The following RSPH14 variants were observed in gnomAD, a reference collection of about 807,000 sequenced individuals.
RSPH14 encodes rhabdoid tumor deletion region gene 1.
In RSPH14, 20 loss-of-function variants were observed where a neutral mutation model predicts 26.7. The observed-to-expected ratio is 0.75, with a 90% CI of 0.53 to 1.09. The LOEUF is 1.09. RSPH14 is among the 50% of genes least tolerant of loss of function. RSPH14 has a pLI of 0.00. For synonymous variants in RSPH14, 177 were observed against 189.3 expected (o/e 0.93, Z 0.53); for missense variants, 449 against 457.2 (o/e 0.98, Z 0.16).
chr22:23,111,176 C>T (rs572578351), intron 4 of RSPH14, among the ~76,000 whole-genome samples: 4 of 152,310 alleles, frequency 2.6e-5, no homozygotes, highest in African/African-American at 9.6e-5. Flanking sequence ...TCACTGTCTG[C>T]CTGGTTTTTG....
At chr22:23,152,468 C>T in the RSPH14 span, 1 of 1,614,070 alleles carries the variant, frequency 6.2e-7, no homozygotes, top group African/African-American at 1.3e-5. Flanking sequence ...CAGGCTCAAA[C>T]TCTCCAAGGT....
At chr22:23,168,102 T>C in the RSPH14 span, among the ~76,000 whole-genome samples, 1 of 152,208 alleles carries the variant, frequency 6.6e-6, no homozygotes, top group Non-Finnish European at 1.5e-5. Flanking sequence ...TCAGCTTTCC[T>C]GGAGCCCCCT....
intron 4 of RSPH14, among the ~76,000 whole-genome samples, chr22:23,074,114 C>G (rs2068447681): frequency 6.6e-6 from 1 of 152,128 alleles, no homozygotes; most frequent in Admixed American, 6.5e-5. Flanking sequence ...CTGCAGGACT[C>G]AGTGGGCCCC....
chr22:23,120,900 GTTA>G (rs1381323360), intron 4 of RSPH14, among the ~76,000 whole-genome samples: 1 of 152,188 alleles, frequency 6.6e-6, no homozygotes, highest in Admixed American at 6.5e-5. Flanking sequence ...GGTCATATCT[GTTA>G]TTTAACTGAT....
At chr22:23,153,603 A>G in the RSPH14 span, 12 of 983,684 alleles carry the variant, frequency 1.2e-5, no homozygotes, top group Admixed American at 6.2e-5. Context: ...CAGCACCCAC[A>G]TCCTTCCTCA....
intron 3 of RSPH14, 24 bp downstream of exon 3, chr22:23,138,816 C>T (rs776585670): frequency 6.5e-7 from 1 of 1,544,944 alleles, no homozygotes; most frequent in South Asian, 1.2e-5. Context: ...AAGCGTCACA[C>T]TGGTTTCCAG....
chr22:23,110,363 G>A (rs2069610496), intron 4 of RSPH14, among the ~76,000 whole-genome samples: 3 of 152,298 alleles, frequency 2.0e-5, no homozygotes, highest in African/African-American at 4.8e-5. Context: ...CCAGACTGAC[G>A]AGGCCACAGG....
At chr22:23,081,133 G>A (rs769466882) in intron 4 of RSPH14, among the ~76,000 whole-genome samples, 1 of 152,218 alleles carries the variant, frequency 6.6e-6, no homozygotes, top group African/African-American at 2.4e-5. Flanking sequence ...AGTAAAAGCC[G>A]TGGTTAGGTT....
intron 4 of RSPH14, among the ~76,000 whole-genome samples, chr22:23,099,804 C>G (rs1344926037): frequency 6.6e-6 from 1 of 152,220 alleles, no homozygotes; most frequent in African/African-American, 2.4e-5. Flanking sequence ...CCTACCAGCC[C>G]ACACTGAGGG....
At chr22:23,067,548 C>T (rs796243643) in intron 4 of RSPH14, among the ~76,000 whole-genome samples, 1 of 152,230 alleles carries the variant, frequency 6.6e-6, no homozygotes, top group South Asian at 2.1e-4. Context: ...GCCCACTGGG[C>T]CTGCCTTTGC....
chr22:23,151,406 G>A, the RSPH14 span, among the ~76,000 whole-genome samples: 1 of 152,142 alleles, frequency 6.6e-6, no homozygotes, highest in Admixed American at 6.5e-5. Context: ...CTGGGAGCAG[G>A]GTAGACACAA....
At chr22:23,177,530 G>C in the RSPH14 span, among the ~76,000 whole-genome samples, 3 of 152,118 alleles carry the variant, frequency 2.0e-5, no homozygotes, top group African/African-American at 7.2e-5. Context: ...GGATTACAGA[G>C]TGTTATGTGT....
rs1466629201 is a variant in RSPH14 at position 23,130,077 on chromosome 22, A to AAG, written c.421+3947_421+3948dup. Among the ~76,000 whole-genome samples, 17 of 29,614 alleles carry AAG rather than the reference A, an allele frequency of 5.7e-4. 1 individual carries two copies. The highest frequency in any genetic ancestry group is 3.4e-3 in the African/African-American group (17 of 4,962). 19.4% of individuals were successfully genotyped at this position (29,614 alleles called of 152,430 possible). Reference sequence around the variant, plus strand: ...AGAAAGAAAAAGAAAGAAAGAAAGAAAGAAAGGAAGAAAGAAAGAAAGAAA... The same window carrying AAG: ...AGAAAGAAAAAGAAAGAAAGAAAGAAAGAGAAAGGAAGAAAGAAAGAAAGAAA... On this transcript the variant is annotated intron_variant, in intron 4 of 6. Coordinates refer to ENST00000216036, the MANE Select transcript of RSPH14 (RefSeq NM_014433.3).
At chr22:23,164,349 C>T in the RSPH14 span, 3 of 152,278 alleles carry the variant, frequency 2.0e-5, no homozygotes, top group South Asian at 6.2e-4. Flanking sequence ...CATATTACCT[C>T]CTGCAATGTG....
Position 23,071,212 on chromosome 22 carries a change from G to C in RSPH14, c.422-7079C>G, listed in dbSNP as rs2068363289. 6.6e-6 allele frequency among the ~76,000 whole-genome samples: 1 copy of C among 152,198 alleles called. No individual in the cohort carries two copies. Among genetic ancestry groups the C allele is most frequent in the Non-Finnish European group, 1.5e-5 (1 of 68,028 alleles). ...TATTTTTTCCCTTAAAAGGCGGTGG[G>C]GGTGTTTGGGGGAGGGGAGTGAGGG... On this transcript the variant is annotated intron_variant, in intron 4 of 6. Transcript: ENST00000216036. The surrounding 1 kb of genome is among the most constrained non-coding windows in gnomAD (Gnocchi z 4.1).
chr22:23,085,891 A>G (rs980584926), intron 4 of RSPH14, among the ~76,000 whole-genome samples: 3 of 152,174 alleles, frequency 2.0e-5, no homozygotes, highest in Non-Finnish European at 4.4e-5. Context: ...TTCTCTCTCA[A>G]TCCTTCTCCT....
chr22:23,161,779 C>G, the RSPH14 span: 1 of 555,886 alleles, frequency 1.8e-6, no homozygotes, highest in South Asian at 2.0e-5. Flanking sequence ...CCACTGGCTG[C>G]CTGGGAGCCC....
At chr22:23,149,633 G>A (rs1334067265), upstream of RSPH14, among the ~76,000 whole-genome samples, 1 of 152,202 alleles carries the variant, frequency 6.6e-6, no homozygotes, top group African/African-American at 2.4e-5. Context: ...TGTCTCTTGA[G>A]CTGAAGCAAT....
At chr22:23,086,411 A>G (rs932330792) in intron 4 of RSPH14, among the ~76,000 whole-genome samples, 3 of 152,224 alleles carry the variant, frequency 2.0e-5, no homozygotes, top group Admixed American at 6.5e-5. Context: ...TCGGCCCAGC[A>G]GTGGCAGCAG....
Sources: gnomAD v4.1 joint callset for allele counts (sites outside exome capture counted in the v4.1 genomes callset) on GRCh38, gnomAD v4.1.1 for gene constraint, Gnocchi (gnomAD v3.1) non-coding constraint, MANE v1.5 for transcripts, NCBI Gene and HGNC (gene_info 2026-07-23, HGNC 2026-07-21) for gene names.